STOX2: variants seen among roughly 807,000 people sequenced by gnomAD.
STOX2 encodes the protein storkhead-box protein 2.
Under a neutral mutation model 60.9 loss-of-function variants are expected in STOX2, and 28 were observed. That is an observed-to-expected ratio of 0.46 (90% CI 0.34 to 0.63). The LOEUF (loss-of-function observed/expected upper bound fraction) is 0.63, where lower values mean the gene tolerates loss of function less well. Among genes scored for constraint, STOX2 ranks in the 30% least tolerant of loss-of-function variants. The probability of loss-of-function intolerance (pLI) is 0.01; values close to 1 mark genes in which losing one functional copy is unlikely to be tolerated. For missense variants in STOX2, 1,024 were observed against 1,187.7 expected, an observed-to-expected ratio of 0.86 and a Z score of 2.03; for synonymous variants, 472 against 463.9, an observed-to-expected ratio of 1.02 and a Z score of -0.22.
chr4:183,899,067 G>A (rs541766326), intron 1 of STOX2, among the ~76,000 whole-genome samples: 24 of 152,222 alleles, frequency 1.6e-4, no homozygotes, highest in Non-Finnish European at 2.9e-4. Context: ...TGTTATATGT[G>A]TTATGGTCAT....
intron 1 of STOX2, among the ~76,000 whole-genome samples, chr4:183,947,487 C>T (rs981585302): frequency 7.9e-5 from 12 of 152,268 alleles, no homozygotes; most frequent in African/African-American, 2.6e-4. Context: ...TGGTTCTACA[C>T]AGAACTCCAC....
At chr4:183,814,111 G>A (rs1336723337) in intron 1 of STOX2, among the ~76,000 whole-genome samples, 1 of 152,112 alleles carries the variant, frequency 6.6e-6, no homozygotes, top group East Asian at 1.9e-4. Flanking sequence ...CAATTTTTAA[G>A]GAAGAAAAAT....
Position 183,874,923 on chromosome 4 carries a change from C to CAAAAA in STOX2, c.364+76894_364+76898dup, listed in dbSNP as rs869044658. Among the ~76,000 whole-genome samples, 21 of 20,628 alleles carry CAAAAA rather than the reference C, an allele frequency of 1.0e-3. 5 individuals are homozygous for CAAAAA. The highest frequency in any genetic ancestry group is 1.3e-3 in the Non-Finnish European group (18 of 13,576). 13.5% of individuals were successfully genotyped at this position (20,628 alleles called of 152,430 possible). Reference sequence around the variant, plus strand: ...CCTGGGCGATGGCGAGACTCCGCCTCAAAAAAAAAAAAAAAAAAAAAAAAA... The same window carrying CAAAAA: ...CCTGGGCGATGGCGAGACTCCGCCTCAAAAAAAAAAAAAAAAAAAAAAAAAAAAAA... On this transcript the variant is annotated intron_variant, in intron 1 of 2. Coordinates refer to the STOX2 transcript ENST00000513034.
chr4:183,973,207 C>T (rs1265070975), intron 1 of STOX2, among the ~76,000 whole-genome samples: 1 of 152,122 alleles, frequency 6.6e-6, no homozygotes, highest in African/African-American at 2.4e-5. Flanking sequence ...AAGACGTAAG[C>T]TTTTAAATTT....
rs1738803831 is a variant in STOX2 at position 183,803,017 on chromosome 4, G to A, written c.364+4962G>A. On this transcript the variant is annotated intron_variant, in intron 1 of 2. Transcript: ENST00000513034. ...TAATGGAGAACTCACAGTTTCACAT[G>A]GCTGGGGAAGCCTCACAATCATGGC... 2.0e-5 allele frequency among the ~76,000 whole-genome samples: 3 copies of A among 152,294 alleles called. 1 individual carries two copies. In the South Asian group the frequency reaches 6.2e-4, roughly 32 times the overall value.
chr4:183,929,235 C>G (rs1742340336), intron 1 of STOX2, among the ~76,000 whole-genome samples: 1 of 152,110 alleles, frequency 6.6e-6, no homozygotes, highest in Non-Finnish European at 1.5e-5. Flanking sequence ...CAGGATGAGA[C>G]CAAAAGAGTT....
At chr4:183,938,669 CAAAAAAAAAAA>C (rs10577405) in intron 1 of STOX2, among the ~76,000 whole-genome samples, 3 of 82,510 alleles carry the variant, frequency 3.6e-5, no homozygotes, top group Admixed American at 1.5e-4. Flanking sequence ...ACTCCGTCTC[CAAAAAAAAAAA>C]AAAAAAAAAA....
intron 1 of STOX2, among the ~76,000 whole-genome samples, chr4:183,895,058 C>T (rs570775886): frequency 5.9e-5 from 9 of 152,158 alleles, no homozygotes; most frequent in Admixed American, 5.2e-4. Context: ...CCAGGCATTA[C>T]GGAGGCAATG....
chr4:183,984,329 C>A (rs4862279), intron 1 of STOX2, among the ~76,000 whole-genome samples: 42,121 of 152,052 alleles, frequency 0.28, 6,137 homozygotes, highest in Middle Eastern at 0.37. Context: ...CTTCAAAATT[C>A]TTGGGGGCAC....
chr4:183,839,722 C>G (rs535528613), intron 1 of STOX2, among the ~76,000 whole-genome samples: 2 of 152,226 alleles, frequency 1.3e-5, no homozygotes, highest in South Asian at 4.1e-4. Flanking sequence ...CTGATAATTT[C>G]TATTAATTAA....
At chr4:183,986,672 G>A (rs1443713115) in intron 1 of STOX2, among the ~76,000 whole-genome samples, 1 of 152,256 alleles carries the variant, frequency 6.6e-6, no homozygotes, top group Non-Finnish European at 1.5e-5. Context: ...ATGGGTGATG[G>A]CGCAGAAGCG....
chr4:183,971,183 A>G (rs1250412163), intron 1 of STOX2, among the ~76,000 whole-genome samples: 1 of 152,208 alleles, frequency 6.6e-6, no homozygotes, highest in East Asian at 1.9e-4. Flanking sequence ...ACAAATACCA[A>G]CAGTTTGAAG....
In STOX2 at chr4:184,018,149, A is replaced by G. The variant is rs1217371336; in HGVS notation, c.*865A>G. 6.6e-6 allele frequency: 1 copy of G among 152,214 alleles called. No homozygotes were observed. The highest frequency in any genetic ancestry group is 6.5e-5 in the Admixed American group (1 of 15,280). 9.4% of individuals were successfully genotyped at this position (152,214 alleles called of 1,614,324 possible). ...TGTTACTCAAATATTGAAGGAAGAGAATTTCCTCCTTGTGATACTTAGGAT... is the reference window on the plus strand; with the variant it reads ...TGTTACTCAAATATTGAAGGAAGAGGATTTCCTCCTTGTGATACTTAGGAT... On this transcript the variant is annotated 3_prime_UTR_variant, in exon 4 of 4. Transcript: ENST00000308497.
intron 1 of STOX2, among the ~76,000 whole-genome samples, chr4:183,881,178 G>A (rs1740950461): frequency 2.0e-5 from 3 of 152,140 alleles, no homozygotes; most frequent in Admixed American, 1.3e-4. Context: ...CCATCAAGAG[G>A]TGAGGAAATC....
intron 1 of STOX2, among the ~76,000 whole-genome samples, chr4:183,896,514 T>A (rs1330132162): frequency 6.6e-6 from 1 of 152,178 alleles, no homozygotes; most frequent in Admixed American, 6.5e-5. Context: ...GATAATTTTT[T>A]AATTTTTCAT....
At chr4:184,007,374 GC>G (rs1733919402) in intron 2 of STOX2, among the ~76,000 whole-genome samples, 1 of 152,194 alleles carries the variant, frequency 6.6e-6, no homozygotes, top group African/African-American at 2.4e-5. Flanking sequence ...CTAGGTTGGT[GC>G]ACATTGTTGT....
intron 1 of STOX2, among the ~76,000 whole-genome samples, chr4:183,831,972 C>G (rs550201378): frequency 6.7e-6 from 1 of 150,370 alleles, no homozygotes; most frequent in Admixed American, 6.6e-5. Flanking sequence ...GCAGTTCATT[C>G]ATTTCTTCTT....
At chr4:183,931,562 A>G (rs1742424524) in intron 1 of STOX2, among the ~76,000 whole-genome samples, 1 of 152,232 alleles carries the variant, frequency 6.6e-6, no homozygotes, top group South Asian at 2.1e-4. Context: ...GAAAGACACA[A>G]GTCTCCTGTT....
intron 1 of STOX2, among the ~76,000 whole-genome samples, chr4:183,996,495 A>G (rs1398272793): frequency 6.6e-6 from 1 of 152,220 alleles, no homozygotes; most frequent in East Asian, 1.9e-4. Context: ...CAGTACCTAC[A>G]TTCTCCTTTT....
Sources: gnomAD v4.1 joint callset for allele counts (sites outside exome capture counted in the v4.1 genomes callset) on GRCh38, gnomAD v4.1.1 for gene constraint, MANE v1.5 for transcripts, NCBI Gene and HGNC (gene_info 2026-07-23, HGNC 2026-07-21) for gene names.